The following TMEM192 variants were observed in gnomAD, a reference collection of about 807,000 sequenced individuals.
TMEM192 encodes the protein transmembrane protein 192.
TMEM192 carries 20 observed loss-of-function variants against 26.7 expected under a neutral mutation model. That is an observed-to-expected ratio of 0.75 (90% CI 0.53 to 1.09). The LOEUF is 1.09. Among genes scored for constraint, TMEM192 ranks in the 50% least tolerant of loss-of-function variants. The probability of loss-of-function intolerance (pLI) is 0.00; values close to 1 mark genes in which losing one functional copy is unlikely to be tolerated. For synonymous variants in TMEM192, 124 were observed against 121.0 expected (o/e 1.02, Z -0.16); for missense variants, 304 against 322.6 (o/e 0.94, Z 0.44).
At chr4:165,092,162 C>A (rs1734782334) in intron 3 of TMEM192, among the ~76,000 whole-genome samples, 1 of 123,608 alleles carries the variant, frequency 8.1e-6, no homozygotes, top group Admixed American at 9.9e-5. Context: ...TGCTCTGCTG[C>A]CCAGGCTGGA....
chr4:165,112,688 C>T, intron 1 of TMEM192, 59 bp downstream of exon 1: 4 of 1,602,476 alleles, frequency 2.5e-6, no homozygotes, highest in Non-Finnish European at 2.5e-6. Context: ...GCCCCGTGCG[C>T]CCCGGCACAA....
Position 165,090,211 on chromosome 4 carries a change from T to TGG in TMEM192, c.440-1611_440-1610dup, listed in dbSNP as rs145468710. On this transcript the variant is annotated intron_variant, in intron 3 of 5. Transcript: ENST00000306480. ...GGGCAACAAGAGCGAAACTCCGTCT[T>TGG]GGAAAAAAAAAAAAAAAAAAAAAAA... Among the ~76,000 whole-genome samples, 30 of 77,282 alleles carry TGG rather than the reference T, an allele frequency of 3.9e-4. 1 individual carries two copies. In the East Asian group the frequency reaches 4.0e-3, roughly 10 times the overall value. 50.7% of individuals were successfully genotyped at this position (77,282 alleles called of 152,430 possible).
chr4:165,102,882 T>A, intron 2 of TMEM192, 68 bp downstream of exon 2: 1 of 1,407,216 alleles, frequency 7.1e-7, no homozygotes, highest in Non-Finnish European at 9.4e-7. Context: ...ACAACTGCCC[T>A]CTGAAACACT....
At chr4:165,099,569 T>C (rs965992693) in intron 3 of TMEM192, among the ~76,000 whole-genome samples, 2 of 152,176 alleles carry the variant, frequency 1.3e-5, no homozygotes, top group Non-Finnish European at 2.9e-5. Context: ...TTTGATATAA[T>C]GCATCTCACT....
chr4:165,108,761 G>C (rs2063610), intron 1 of TMEM192, among the ~76,000 whole-genome samples: 98,202 of 151,948 alleles, frequency 0.65, 32,326 homozygotes, highest in East Asian at 0.9. Context: ...GGGGCTCCCC[G>C]TGCATATCTT....
chr4:165,100,512 T>C (rs961862741), intron 3 of TMEM192, 116 bp downstream of exon 3: 18 of 1,259,264 alleles, frequency 1.4e-5, no homozygotes, highest in Non-Finnish European at 1.9e-5. Flanking sequence ...AGAACACACA[T>C]CAACCTTACA....
rs1578895828 is a variant in TMEM192 at position 165,077,440 on chromosome 4, C to T, written c.*2218G>A. ...TAGAGAAGGCAATGGCTTTGAGATA[C>T]ATACACTTATTAAAAAGAAAGGAAG... On this transcript the variant is annotated 3_prime_UTR_variant, in exon 6 of 6. Transcript: ENST00000306480. 3 of 152,138 alleles carry T rather than the reference C, an allele frequency of 2.0e-5. No homozygotes were observed. Among genetic ancestry groups the T allele is most frequent in the Non-Finnish European group, 4.4e-5 (3 of 68,052 alleles). 9.4% of individuals were successfully genotyped at this position (152,138 alleles called of 1,614,324 possible).
intron 1 of TMEM192, among the ~76,000 whole-genome samples, chr4:165,111,903 G>A (rs1333740189): frequency 6.6e-6 from 1 of 152,056 alleles, no homozygotes; most frequent in African/African-American, 2.4e-5. Context: ...TGTCAACTTT[G>A]CATTTCTCAA....
rs539764836 is a variant in TMEM192 at position 165,095,128 on chromosome 4, C to T, written c.439+5500G>A. 5.9e-5 allele frequency among the ~76,000 whole-genome samples: 9 copies of T among 152,178 alleles called. No homozygotes were observed. In the South Asian group the frequency reaches 6.2e-4, roughly 11 times the overall value. ...TGTAGGATCTGATGCCTCCTAGAAA[C>T]GAAACCCATGATCTCACCCAGACCT... On this transcript the variant is annotated intron_variant, in intron 3 of 5. Coordinates refer to ENST00000306480, the MANE Select transcript of TMEM192 (RefSeq NM_001100389.2).
chr4:165,106,435 C>G (rs1009322730), intron 1 of TMEM192, among the ~76,000 whole-genome samples: 2 of 152,158 alleles, frequency 1.3e-5, no homozygotes, highest in East Asian at 1.9e-4. Flanking sequence ...TATTAAGTGT[C>G]AAATGGATGG....
Position 165,112,746 on chromosome 4 carries a change from C to G in TMEM192, c.27+1G>C. ...ACCGCCCGCCGCCTCCGTGCACTCA[C>G]GTCCTCCATCCTGCCCCCCGCCGCC... is the stretch of plus-strand genomic sequence containing the variant. On this transcript the variant is annotated splice_donor_variant, in intron 1 of 5. Transcript: ENST00000306480. LOFTEE classifies it high-confidence loss of function. 1 of 1,609,096 alleles carries G rather than the reference C, an allele frequency of 6.2e-7. No homozygotes were observed. The highest frequency in any genetic ancestry group is 8.5e-7 in the Non-Finnish European group (1 of 1,179,286).
At chr4:165,099,226 A>C (rs1734984498) in intron 3 of TMEM192, among the ~76,000 whole-genome samples, 1 of 147,674 alleles carries the variant, frequency 6.8e-6, no homozygotes, top group Non-Finnish European at 1.5e-5. Flanking sequence ...AGCTGGGACC[A>C]CAGGGGCACA....
intron 1 of TMEM192, among the ~76,000 whole-genome samples, chr4:165,108,718 A>G (rs1735225251): frequency 6.6e-6 from 1 of 151,936 alleles, no homozygotes; most frequent in African/African-American, 2.4e-5. Flanking sequence ...CCTGATTAGC[A>G]CTCTACTGGA....
chr4:165,105,434 G>C (rs887662517), intron 1 of TMEM192, among the ~76,000 whole-genome samples: 2 of 152,140 alleles, frequency 1.3e-5, no homozygotes, highest in Non-Finnish European at 2.9e-5. Context: ...TCAAGCACAA[G>C]TTTTACCGCT....
chr4:165,112,795 G>A lies in TMEM192; in HGVS notation c.-22C>T, dbSNP rs1181472890. The A allele has an allele frequency of 1.9e-6, 3 of 1,604,236 alleles. No individual in the cohort carries two copies. Among genetic ancestry groups the A allele is most frequent in the Non-Finnish European group, 2.5e-6 (3 of 1,178,484 alleles). On this transcript the variant is annotated 5_prime_UTR_variant, in exon 1 of 6. Coordinates refer to ENST00000306480, the MANE Select transcript of TMEM192 (RefSeq NM_001100389.2). ...CCATTTCCCGACGCCGGAGGCCGAA[G>A]CCCTGGCCAGCCCGGCCTCTCCACC...
In TMEM192 at chr4:165,077,338, A is replaced by G. The variant is rs1026668516; in HGVS notation, c.*2320T>C. On this transcript the variant is annotated 3_prime_UTR_variant, in exon 6 of 6. Coordinates refer to ENST00000306480, the MANE Select transcript of TMEM192 (RefSeq NM_001100389.2). ...AATAAATAAGAGTTAATCATCTACC[A>G]CTGGTGTTCCCTTTTGAAAAGAAAA... The G allele has an allele frequency of 6.6e-6, 1 of 152,238 alleles. No homozygotes were observed. The allele number at this position is 152,238 out of a possible 1,614,324, so 9.4% of individuals were successfully genotyped here.
At chr4:165,081,291 GT>G (rs1396179875) in intron 5 of TMEM192, among the ~76,000 whole-genome samples, 5 of 150,292 alleles carry the variant, frequency 3.3e-5, no homozygotes, top group Non-Finnish European at 7.4e-5. Flanking sequence ...TTATATAAAG[GT>G]TTTCAAGTTA....
At chr4:165,092,906 AAAT>A (rs1734799733) in intron 3 of TMEM192, among the ~76,000 whole-genome samples, 1 of 151,872 alleles carries the variant, frequency 6.6e-6, no homozygotes, top group Admixed American at 6.6e-5. Flanking sequence ...CTTAAAAAAA[AAAT>A]AATAAAAATA....
intron 3 of TMEM192, among the ~76,000 whole-genome samples, chr4:165,092,785 C>T (rs1734796919): frequency 6.6e-6 from 1 of 152,004 alleles, no homozygotes; most frequent in Non-Finnish European, 1.5e-5. Context: ...TCCAAACTAA[C>T]TACACAAGCC....
Sources: allele counts gnomAD v4.1 joint callset (sites outside exome capture counted in the v4.1 genomes callset), GRCh38; gene constraint gnomAD v4.1.1; transcripts MANE v1.5; gene names NCBI Gene and HGNC (gene_info 2026-07-23, HGNC 2026-07-21).